The following L3MBTL4 variants were observed in gnomAD, a reference collection of about 807,000 sequenced individuals.
The protein encoded by L3MBTL4 is lethal(3)malignant brain tumor-like protein 4.
A neutral mutation model predicts 84.5 loss-of-function variants in L3MBTL4; 70 were observed. The ratio of observed to expected loss-of-function variants is 0.83; its 90% CI spans 0.68 to 1.01. The LOEUF is 1.01. Ranked by LOEUF, L3MBTL4 falls within the 50% of genes least tolerant of loss-of-function variation. L3MBTL4 has a pLI of 0.00. For missense variants in L3MBTL4, 715 were observed against 754.8 expected (o/e 0.95, Z 0.62); for synonymous variants, 274 against 259.8 (o/e 1.05, Z -0.52).
chr18:6,245,028 G>A (rs1245487977), intron 5 of L3MBTL4, among the ~76,000 whole-genome samples: 1 of 152,094 alleles, frequency 6.6e-6, no homozygotes, highest in African/African-American at 2.4e-5. Flanking sequence ...TCCTGTCTCA[G>A]CCTCCCGAAT....
chr18:6,333,694 C>T (rs1165436981), intron 1 of L3MBTL4, among the ~76,000 whole-genome samples: 2 of 147,048 alleles, frequency 1.4e-5, no homozygotes, highest in Admixed American at 6.7e-5. Flanking sequence ...TAGCTCCAGC[C>T]GTAAGAGAAC....
At position 6,244,511 on chromosome 18, in the gene L3MBTL4, C is replaced by G; in HGVS notation, c.297G>C (p.Ser99=). The change falls in exon 6 of 19, where the codon TCG becomes TCC. Residue 99 remains serine, a synonymous_variant. Coordinates refer to ENST00000317931, the MANE Select transcript of L3MBTL4 (RefSeq NM_001330559.2). ...CCGCTACAGAAAGCACACAGAATAC[C>G]GATGGATGTCGGGGATCAATGCCTT... ...RLEGIDPRHP[S]VFCVLSVAEV... is the part of the protein sequence containing the mutation. 6.2e-7 allele frequency: 1 copy of G among 1,613,318 alleles called. No homozygotes were observed. The highest frequency in any genetic ancestry group is 8.5e-7 in the Non-Finnish European group (1 of 1,179,346).
At chr18:5,990,776 T>TGTGG (rs555769750) in intron 16 of L3MBTL4, among the ~76,000 whole-genome samples, 7,277 of 151,022 alleles carry the variant, frequency 0.048, 192 homozygotes, top group South Asian at 0.063. Context: ...TGTGGGTGTG[T>TGTGG]GTGTGTGTGT....
At chr18:6,340,902 A>C (rs1364780302) in intron 1 of L3MBTL4, among the ~76,000 whole-genome samples, 1 of 152,154 alleles carries the variant, frequency 6.6e-6, no homozygotes, top group African/African-American at 2.4e-5. Context: ...TAATGTGTGC[A>C]ATCTGAACAC....
intron 16 of L3MBTL4, among the ~76,000 whole-genome samples, chr18:6,014,301 T>G (rs185551726): frequency 6.6e-5 from 10 of 152,348 alleles, no homozygotes; most frequent in Admixed American, 1.3e-4. Context: ...GTGGGCCTTC[T>G]TCTTTGAAGA....
At chr18:6,022,275 C>T (rs573233266) in intron 16 of L3MBTL4, among the ~76,000 whole-genome samples, 2 of 152,254 alleles carry the variant, frequency 1.3e-5, no homozygotes, top group South Asian at 4.1e-4. Flanking sequence ...CCTTTAGTTG[C>T]TTCTCTGCAG....
At chr18:6,411,253 T>C (rs1032742885) in intron 1 of L3MBTL4, among the ~76,000 whole-genome samples, 2 of 131,066 alleles carry the variant, frequency 1.5e-5, no homozygotes, top group Admixed American at 1.5e-4. Context: ...TTATTCACTG[T>C]AGTAAATAGT....
chr18:6,077,188 A>G (rs2057883703), intron 16 of L3MBTL4, among the ~76,000 whole-genome samples: 1 of 152,204 alleles, frequency 6.6e-6, no homozygotes, highest in South Asian at 2.1e-4. Flanking sequence ...AAAAGGCCCA[A>G]AGAATAATTA....
chr18:6,078,460 A>G (rs1432529147), intron 16 of L3MBTL4, among the ~76,000 whole-genome samples: 17 of 150,880 alleles, frequency 1.1e-4, no homozygotes, highest in African/African-American at 1.2e-4. Context: ...AAAAAAGGGG[A>G]AAAAAAGGAA....
chr18:6,396,492 T>A (rs1023138494), intron 1 of L3MBTL4: 2 of 152,244 alleles, frequency 1.3e-5, no homozygotes, highest in South Asian at 4.1e-4. Context: ...GTCCAAATTG[T>A]TCTCTCTACA....
At chr18:6,362,253 AAAGGAAAGGAAAGGAAAAG>A (rs1383654419) in intron 1 of L3MBTL4, among the ~76,000 whole-genome samples, 1 of 150,378 alleles carries the variant, frequency 6.6e-6, no homozygotes, top group African/African-American at 2.5e-5. Flanking sequence ...AAGGAAAGGG[AAAGGAAAGGAAAGGAAAAG>A]AAGAAAAAGA....
At position 6,215,810 on chromosome 18, in the gene L3MBTL4, G is replaced by C; in HGVS notation, c.810C>G (p.Ser270=). Reference sequence around the variant, plus strand: ...GAGTAGCTTCCAGGTATTCTGTCCAGGAAAAATTTTCTGGATTGGGATAAC... The same window carrying C: ...GAGTAGCTTCCAGGTATTCTGTCCACGAAAAATTTTCTGGATTGGGATAAC... The part of the protein sequence containing the change: ...PQGYPNPENF[S]WTEYLEATQT... The change falls in exon 11 of 19, where the codon TCC becomes TCG. Residue 270 remains serine (S), a synonymous_variant. Transcript: ENST00000317931. 1 of 1,603,200 alleles carries C rather than the reference G, an allele frequency of 6.2e-7. No homozygotes were observed. Among genetic ancestry groups the C allele is most frequent in the Non-Finnish European group, 8.5e-7 (1 of 1,175,414 alleles).
chr18:6,011,752 T>C (rs1470484829), intron 16 of L3MBTL4, among the ~76,000 whole-genome samples: 1 of 152,196 alleles, frequency 6.6e-6, no homozygotes, highest in East Asian at 1.9e-4. Context: ...CGGTGGCTTT[T>C]AGGCATACAA....
intron 4 of L3MBTL4, among the ~76,000 whole-genome samples, chr18:6,287,418 T>C (rs1358244440): frequency 1.3e-5 from 2 of 152,136 alleles, no homozygotes; most frequent in Admixed American, 1.3e-4. Flanking sequence ...TCCCTTCCCT[T>C]CCTAAAATCC....
intron 1 of L3MBTL4, among the ~76,000 whole-genome samples, chr18:6,380,080 T>A (rs2054534936): frequency 6.6e-6 from 1 of 152,234 alleles, no homozygotes; most frequent in Non-Finnish European, 1.5e-5. Flanking sequence ...ATCCATCTCT[T>A]CTAGATTTTC....
intron 16 of L3MBTL4, among the ~76,000 whole-genome samples, chr18:6,023,053 G>GATGCAAAGC (rs1267573450): frequency 3.3e-5 from 5 of 152,098 alleles, no homozygotes; most frequent in Non-Finnish European, 7.3e-5. Flanking sequence ...TGAGGTTACA[G>GATGCAAAGC]ATGCAAAGCC....
At chr18:6,037,869 C>A (rs73938716) in intron 16 of L3MBTL4, among the ~76,000 whole-genome samples, 3,170 of 152,144 alleles carry the variant, frequency 0.021, 118 homozygotes, top group African/African-American at 0.072. Context: ...AGATGTTTGG[C>A]TAATGTATTA....
intron 13 of L3MBTL4, among the ~76,000 whole-genome samples, chr18:6,156,147 C>A (rs2043094690): frequency 6.6e-6 from 1 of 152,112 alleles, no homozygotes; most frequent in Non-Finnish European, 1.5e-5. Context: ...GAATTTTAAT[C>A]TTTTAACACT....
chr18:6,141,839 T>C (rs1404142152), intron 13 of L3MBTL4, among the ~76,000 whole-genome samples: 1 of 152,216 alleles, frequency 6.6e-6, no homozygotes, highest in East Asian at 1.9e-4. Flanking sequence ...CACTTCTCTC[T>C]TAGCACATTT....
Sources: gnomAD v4.1 joint callset for allele counts (sites outside exome capture counted in the v4.1 genomes callset) on GRCh38, gnomAD v4.1.1 for gene constraint, MANE v1.5 for transcripts, NCBI Gene and HGNC (gene_info 2026-07-23, HGNC 2026-07-21) for gene names.